Variants in MEST observed in about 807,000 individuals in gnomAD.
The protein encoded by MEST is mesoderm-specific transcript homolog protein.
Under a neutral mutation model 50.9 loss-of-function variants are expected in MEST, and 18 were observed. The observed-to-expected ratio is 0.35, with a 90% CI of 0.24 to 0.52. The LOEUF is 0.52. Among genes scored for constraint, MEST ranks in the 20% least tolerant of loss-of-function variants. The pLI, the probability that MEST is intolerant of heterozygous loss-of-function variation, is 0.94. For synonymous variants in MEST, 130 were observed against 154.1 expected (o/e 0.84, Z 1.16); for missense variants, 282 against 425.3 (o/e 0.66, Z 2.96).
At position 130,500,836 on chromosome 7, in the gene MEST, T is replaced by A; in HGVS notation, c.695T>A (p.Leu232Gln). Residue 232 changes from leucine to glutamine, a missense_variant, in exon 9 of 12, where the codon CTG becomes CAG. By Grantham distance (113) the Leu-to-Gln change is moderately radical. Coordinates refer to ENST00000223215, the MANE Select transcript of MEST (RefSeq NM_002402.4). This position sits in a 1 kb window ranked among gnomAD's most constrained non-coding sequence, Gnocchi z 5.0. ...GPYTRPSESE[L>Q]WDMWAGIRNN... ...TATACTCGGCCCTCTGAGAGTGAGC[T>A]GTGGGACATGTGGGCAGGGATCCGC... 1 of 1,614,042 alleles carries A rather than the reference T, an allele frequency of 6.2e-7. No homozygotes were observed.
At chr7:130,491,952 A>C (rs562730834), upstream of MEST, 1 of 153,614 alleles carries the variant, frequency 6.5e-6, no homozygotes, top group Admixed American at 6.7e-5. The surrounding 1 kb of genome is among the most constrained non-coding windows in gnomAD (Gnocchi z 6.8). Flanking sequence ...CTTTGTGGCC[A>C]TGGCGGTGGT....
chr7:130,493,751 G>A (rs1554436086), intron 1 of MEST, among the ~76,000 whole-genome samples: 6 of 152,196 alleles, frequency 3.9e-5, no homozygotes. Context: ...GGATGAATGC[G>A]ATGAGAAGCA....
Position 130,492,330 on chromosome 7 carries a change from G to A in MEST, c.17G>A (p.Arg6His). 2.2e-6 allele frequency: 3 copies of A among 1,337,550 alleles called. No homozygotes were observed. Among genetic ancestry groups the A allele is most frequent in the South Asian group, 2.2e-5 (1 of 44,464 alleles). The allele number at this position is 1,337,550 out of a possible 1,614,324, so 82.9% of individuals were successfully genotyped here. Residue 6 changes from arginine to histidine, a missense_variant, in exon 1 of 12, where the codon CGC (arginine) becomes CAC (histidine). Physicochemically the swap from Arg to His is conservative, Grantham distance 29. Coordinates refer to ENST00000223215, the MANE Select transcript of MEST (RefSeq NM_002402.4). This position sits in a 1 kb window ranked among gnomAD's most constrained non-coding sequence, Gnocchi z 7.6. ...AACGCGGCCATGGTGCGCCGAGATC[G>A]CCTCCGCAGGTGAGTGTGCGGTGGG... MVRRDRLRRMREWWVQ... is the reference protein window; with the variant it reads MVRRDHLRRMREWWVQ...
intron 2 of MEST, chr7:130,495,962 G>C (rs1198948295): frequency 2.7e-6 from 1 of 369,796 alleles, no homozygotes; most frequent in Non-Finnish European, 5.2e-6. Context: ...TGATTATTAT[G>C]ACCACTACTT....
chr7:130,502,731 T>C lies in MEST; in HGVS notation c.826+11T>C, dbSNP rs1554438820. ...CTGTAACTATCCCCAGTGAGTATTT[T>C]TGTATTATTGATAGGAAACTGAAGG... On this transcript the variant is annotated intron_variant, in intron 10 of 11. Coordinates refer to ENST00000223215, the MANE Select transcript of MEST (RefSeq NM_002402.4). The C allele has an allele frequency of 4.4e-6, 7 of 1,603,130 alleles. No individual in the cohort carries two copies. Among genetic ancestry groups the C allele is most frequent in the Non-Finnish European group, 6.0e-6 (7 of 1,170,116 alleles).
rs1554439561 is a variant in MEST, at chr7:130,505,039, T to C, written c.991T>C (p.Phe331Leu). The change falls in exon 12 of 12, where the codon TTC becomes CTC. Residue 331 changes from phenylalanine (F) to leucine (L), a missense_variant. Coordinates refer to ENST00000223215, the MANE Select transcript of MEST (RefSeq NM_002402.4). Reference protein sequence around the residue: ...PMGFLNAYMGFINSF With the variant: ...PMGFLNAYMGLINSF The stretch of plus-strand genomic sequence containing the variant: ...GGGCTTCTTGAATGCATATATGGGC[T>C]TCATCAACTCCTTCTGAGCTGGAAA... The C allele has an allele frequency of 6.2e-7, 1 of 1,612,576 alleles. No individual in the cohort carries two copies. The highest frequency in any genetic ancestry group is 8.5e-7 in the Non-Finnish European group (1 of 1,178,732).
At position 130,500,001 on chromosome 7, in the gene MEST, T is replaced by A; in HGVS notation, c.576+86T>A. ...GACCTTTTAAGGGCCATAGCTCCTG[T>A]AACTGGCAGTAGTTAAATCCTCTTC... On this transcript the variant is annotated intron_variant, in intron 7 of 11. Coordinates refer to ENST00000223215, the MANE Select transcript of MEST (RefSeq NM_002402.4). This position sits in a 1 kb window ranked among gnomAD's most constrained non-coding sequence, Gnocchi z 5.0. The A allele has an allele frequency of 1.9e-6, 2 of 1,062,424 alleles. No individual in the cohort carries two copies. Among genetic ancestry groups the A allele is most frequent in the Non-Finnish European group, 2.8e-6 (2 of 714,888 alleles). The allele number at this position is 1,062,424 out of a possible 1,614,324, so 65.8% of individuals were successfully genotyped here.
In MEST at chr7:130,497,196, T is replaced by G; in HGVS notation, c.222T>G (p.Leu74=). ...GVVGSPEIVV[L]LHGFPTSSYD... ...TTGGAAGTCCAGAGATAGTTGTGCT[T>G]TTACACGGTTTTCCAACATCCAGCT... Residue 74 remains leucine, a synonymous_variant, in exon 3 of 12, where the codon CTT becomes CTG. Coordinates refer to ENST00000223215, the MANE Select transcript of MEST (RefSeq NM_002402.4). This position sits in a 1 kb window ranked among gnomAD's most constrained non-coding sequence, Gnocchi z 4.0. The G allele has an allele frequency of 6.2e-7, 1 of 1,613,368 alleles. No individual in the cohort carries two copies. Among genetic ancestry groups the G allele is most frequent in the Non-Finnish European group, 8.5e-7 (1 of 1,179,666 alleles).
chr7:130,500,360 A>C lies in MEST; in HGVS notation c.577-102A>C. 1 of 967,028 alleles carries C rather than the reference A, an allele frequency of 1.0e-6. No homozygotes were observed. Among genetic ancestry groups the C allele is most frequent in the Non-Finnish European group, 1.6e-6 (1 of 643,346 alleles). The allele number at this position is 967,028 out of a possible 1,614,324, so 59.9% of individuals were successfully genotyped here. A position where few individuals can be genotyped will look rare whatever the true frequency, so the allele number is the denominator to read the frequency against. ...GCCAAGTACCAAACCATTCAGTAGC[A>C]GGAGATTTGGCTAAAGATTTAGTTC... On this transcript the variant is annotated intron_variant, in intron 7 of 11. Coordinates refer to ENST00000223215, the MANE Select transcript of MEST (RefSeq NM_002402.4). The surrounding 1 kb of genome is among the most constrained non-coding windows in gnomAD (Gnocchi z 5.0).
Position 130,497,164 on chromosome 7 carries a change from G to A in MEST, c.190G>A (p.Gly64Ser). 6.2e-7 allele frequency: 1 copy of A among 1,612,092 alleles called. No individual in the cohort carries two copies. The highest frequency in any genetic ancestry group is 8.5e-7 in the Non-Finnish European group (1 of 1,179,008). The change falls in exon 3 of 12, where the codon GGT (glycine) becomes AGT (serine). Residue 64 changes from glycine (G) to serine (S), a missense_variant. By Grantham distance (56) the Gly-to-Ser change is moderately conservative. Coordinates refer to ENST00000223215, the MANE Select transcript of MEST (RefSeq NM_002402.4). The surrounding 1 kb of genome is among the most constrained non-coding windows in gnomAD (Gnocchi z 4.0). ...GLRIFYQDSVGVVGSPEIVVL... is the reference protein window; with the variant it reads ...GLRIFYQDSVSVVGSPEIVVL... ...ACTTTCCTTCTTCCTAGACTCTGTG[G>A]GTGTGGTTGGAAGTCCAGAGATAGT...
rs1461588630 is a variant in MEST at position 130,492,246 on chromosome 7, A to G, written c.-68A>G. 12 of 1,280,144 alleles carry G rather than the reference A, an allele frequency of 9.4e-6. No homozygotes were observed. Among genetic ancestry groups the G allele is most frequent in the Non-Finnish European group, 1.2e-5 (12 of 1,010,514 alleles). The allele number at this position is 1,280,144 out of a possible 1,614,324, so 79.3% of individuals were successfully genotyped here. On this transcript the variant is annotated 5_prime_UTR_variant, in exon 1 of 12. Transcript: ENST00000223215. The surrounding 1 kb of genome is among the most constrained non-coding windows in gnomAD (Gnocchi z 7.6). ...CGCCCCCGCTGCTGGCCAGCTCTGC[A>G]CGGCTGCGGGCTCTGCGGCGCCCGG... is the stretch of plus-strand genomic sequence containing the variant.
chr7:130,502,902 T>G (rs1444472602), intron 10 of MEST, among the ~76,000 whole-genome samples, 182 bp downstream of exon 10: 1 of 152,210 alleles, frequency 6.6e-6, no homozygotes, highest in Non-Finnish European at 1.5e-5. Context: ...TGTACAATAT[T>G]TGGGACCTAC....
upstream of MEST, among the ~76,000 whole-genome samples, chr7:130,491,881 A>G (rs1441427293): frequency 6.6e-6 from 1 of 151,568 alleles, no homozygotes; most frequent in Non-Finnish European, 1.5e-5. This position sits in a 1 kb window ranked among gnomAD's most constrained non-coding sequence, Gnocchi z 6.8. Flanking sequence ...GGTCTTGGGG[A>G]GGGGGCTCGA....
At chr7:130,493,025 C>T (rs1176372987) in intron 1 of MEST, among the ~76,000 whole-genome samples, 1 of 152,062 alleles carries the variant, frequency 6.6e-6, no homozygotes, top group Admixed American at 6.6e-5. Flanking sequence ...ACGGGATAAT[C>T]GCAGTGCCGA....
At chr7:130,502,578 T>C in intron 9 of MEST, 66 bp from the exon 10 acceptor site, 3 of 1,201,438 alleles carry the variant, frequency 2.5e-6, no homozygotes, top group South Asian at 1.3e-5. Flanking sequence ...TGGCTCGTTA[T>C]GCCCTTGAAT....
chr7:130,489,880 T>A (rs1798733221), upstream of MEST: 1 of 152,182 alleles, frequency 6.6e-6, no homozygotes. Flanking sequence ...GGTAGACATG[T>A]TCCATGGCCT....
At chr7:130,499,249 C>T (rs1324054315) in intron 6 of MEST, among the ~76,000 whole-genome samples, 1 of 152,162 alleles carries the variant, frequency 6.6e-6, no homozygotes, top group Non-Finnish European at 1.5e-5. Context: ...GTCTCCTGAA[C>T]GCCTTAAGAG....
At position 130,502,641 on chromosome 7, in the gene MEST, C is replaced by T; in HGVS notation, c.750-3C>T. On this transcript the variant is annotated splice_region_variant and splice_polypyrimidine_tract_variant and intron_variant, in intron 9 of 11. Coordinates refer to ENST00000223215, the MANE Select transcript of MEST (RefSeq NM_002402.4). Reference sequence around the variant, plus strand: ...TGCACATGCTGACTTACCTGTCCTACAGTCTCTTACAGTACATCAATCAGA... The same window carrying T: ...TGCACATGCTGACTTACCTGTCCTATAGTCTCTTACAGTACATCAATCAGA... 1.9e-6 allele frequency: 3 copies of T among 1,613,210 alleles called. No homozygotes were observed. Among genetic ancestry groups the T allele is most frequent in the African/African-American group, 1.3e-5 (1 of 75,024 alleles).
upstream of MEST, chr7:130,491,505 GTTGCTCCCTAGCCGC>G (rs1798810707): frequency 6.6e-6 from 1 of 152,344 alleles, no homozygotes; most frequent in African/African-American, 2.4e-5. The surrounding 1 kb of genome is among the most constrained non-coding windows in gnomAD (Gnocchi z 6.8). Context: ...AACAGAGCTT[GTTGCTCCCTAGCCGC>G]TTGCTCGTGC....
Sources: gnomAD v4.1 joint callset for allele counts (sites outside exome capture counted in the v4.1 genomes callset) on GRCh38, gnomAD v4.1.1 for gene constraint, Gnocchi (gnomAD v3.1) non-coding constraint, MANE v1.5 for transcripts, NCBI Gene and HGNC (gene_info 2026-07-23, HGNC 2026-07-21) for gene names.